SEM1: variants seen among roughly 807,000 people sequenced by gnomAD.
SEM1 encodes the protein SEM1 26S proteasome subunit.
In SEM1, 3 loss-of-function variants were observed where a neutral mutation model predicts 12.7. The ratio of observed to expected loss-of-function variants is 0.24; its 90% CI spans 0.11 to 0.61. The LOEUF (loss-of-function observed/expected upper bound fraction) is 0.61, where lower values mean the gene tolerates loss of function less well. Among genes scored for constraint, SEM1 ranks in the 20% least tolerant of loss-of-function variants. SEM1 has a pLI of 0.88. For synonymous variants in SEM1, 30 were observed against 27.8 expected, an observed-to-expected ratio of 1.08 and a Z score of -0.25; for missense variants, 59 against 81.3, an observed-to-expected ratio of 0.73 and a Z score of 1.06.
intron 2 of SEM1, among the ~76,000 whole-genome samples, chr7:96,674,911 T>A (rs370009968): frequency 6.6e-6 from 1 of 152,160 alleles, no homozygotes; most frequent in East Asian, 1.9e-4. Context: ...CCTGGAAAGC[T>A]GTGCACAAGC....
At position 96,541,447 on chromosome 7, in the gene SEM1, T is replaced by TG. The variant is rs938678550; in HGVS notation, c.171-34750_171-34749insC. 4.0e-5 allele frequency among the ~76,000 whole-genome samples: 6 copies of TG among 148,882 alleles called. No homozygotes were observed. The South Asian group carries it at 1.1e-3, about 26-fold the overall frequency. On this transcript the variant is annotated intron_variant and NMD_transcript_variant, in intron 2 of 3. Coordinates refer to the SEM1 transcript ENST00000466986. ...TTTTAATGGGTTTTTTTTTTTGTTT[T>TG]TTTTTTTTTTTTGCTGAATTGTTTA...
intron 2 of SEM1, among the ~76,000 whole-genome samples, chr7:96,612,260 A>G (rs1051531802): frequency 6.6e-6 from 1 of 152,230 alleles, no homozygotes; most frequent in Non-Finnish European, 1.5e-5. Context: ...TTCTGCTCCA[A>G]GGAAATGGTA....
intron 2 of SEM1, among the ~76,000 whole-genome samples, chr7:96,611,999 T>TA (rs60890286): frequency 0.23 from 35,641 of 151,748 alleles, 4,931 homozygotes; most frequent in African/African-American, 0.4. Flanking sequence ...CCCCCCCAAA[T>TA]AAAAAAAGCA....
intron 2 of SEM1, among the ~76,000 whole-genome samples, chr7:96,541,449 T>G (rs575559748): frequency 0.022 from 3,310 of 148,404 alleles, 145 homozygotes; most frequent in African/African-American, 0.076. Flanking sequence ...TTTTGTTTTT[T>G]TTTTTTTTTT....
chr7:96,483,940 C>T, exon 4 of SEM1: 2 of 1,535,938 alleles, frequency 1.3e-6, no homozygotes, highest in Non-Finnish European at 1.7e-6. Flanking sequence ...CTTCACAGTG[C>T]ACCAAGGATG....
chr7:96,662,796 T>A (rs1258414315), intron 2 of SEM1, among the ~76,000 whole-genome samples: 1 of 152,182 alleles, frequency 6.6e-6, no homozygotes, highest in Non-Finnish European at 1.5e-5. Flanking sequence ...ACACAAAAAC[T>A]AACTCAATAT....
At chr7:96,627,688 A>G (rs1375183937) in intron 2 of SEM1, among the ~76,000 whole-genome samples, 1 of 152,178 alleles carries the variant, frequency 6.6e-6, no homozygotes, top group Non-Finnish European at 1.5e-5. Flanking sequence ...GTGACCTAAC[A>G]TATGGCCTAT....
At chr7:96,505,539 G>C (rs1277139331) in intron 3 of SEM1, among the ~76,000 whole-genome samples, 1 of 152,086 alleles carries the variant, frequency 6.6e-6, no homozygotes, top group Non-Finnish European at 1.5e-5. Context: ...TACTCAAAGA[G>C]CTATTTTCTT....
intron 1 of SEM1, among the ~76,000 whole-genome samples, chr7:96,492,568 C>A (rs1469282726): frequency 6.7e-6 from 1 of 149,568 alleles, no homozygotes; most frequent in Non-Finnish European, 1.5e-5. Context: ...TGCCACCATG[C>A]CCGACTAATT....
At chr7:96,702,413 A>G (rs74405823) in intron 1 of SEM1, among the ~76,000 whole-genome samples, 23,539 of 152,102 alleles carry the variant, frequency 0.15, 3,319 homozygotes, top group African/African-American at 0.38. Flanking sequence ...GGCTGATTTC[A>G]CATATAAAAT....
intron 2 of SEM1, among the ~76,000 whole-genome samples, chr7:96,616,072 T>C (rs1807711392): frequency 6.6e-6 from 1 of 152,204 alleles, no homozygotes; most frequent in South Asian, 2.1e-4. Context: ...AGTGAGACTG[T>C]TGGATCGAAT....
In SEM1 at chr7:96,705,359, C is replaced by CAA. The variant is rs34525327; in HGVS notation, c.76+4327_76+4328dup. 1.9e-3 allele frequency among the ~76,000 whole-genome samples: 272 copies of CAA among 142,188 alleles called. 1 individual carries two copies. Among genetic ancestry groups the CAA allele is most frequent in the East Asian group, 4.5e-3 (22 of 4,886 alleles). The allele number at this position is 142,188 out of a possible 152,430, so 93.3% of individuals were successfully genotyped here. A position where few individuals can be genotyped will look rare whatever the true frequency, so the allele number is the denominator to read the frequency against. The stretch of plus-strand genomic sequence containing the variant: ...AAATATTCTAAAAAAGCTTCTCTCT[C>CAA]AAAAAAAAAAAAAAAACCCTTTCAA... On this transcript the variant is annotated intron_variant, in intron 1 of 2. Coordinates refer to ENST00000248566, the MANE Select transcript of SEM1 (RefSeq NM_006304.2).
intron 2 of SEM1, among the ~76,000 whole-genome samples, chr7:96,542,084 T>C (rs2115788046): frequency 6.6e-6 from 1 of 151,664 alleles, no homozygotes; most frequent in African/African-American, 2.4e-5. Flanking sequence ...GGCTCTTTTT[T>C]TGGGGGAGGG....
chr7:96,700,461 T>C (rs200448225), intron 1 of SEM1, among the ~76,000 whole-genome samples: 1 of 152,276 alleles, frequency 6.6e-6, no homozygotes, highest in East Asian at 1.9e-4. Flanking sequence ...GGTCCCATGG[T>C]TAGCCAAGTG....
intron 2 of SEM1, among the ~76,000 whole-genome samples, chr7:96,521,771 C>T (rs923970759): frequency 6.6e-6 from 1 of 152,068 alleles, no homozygotes; most frequent in Non-Finnish European, 1.5e-5. Context: ...AAAATGGAGG[C>T]GTCCCTGGGC....
At chr7:96,497,769 G>T (rs998541019), upstream of SEM1, among the ~76,000 whole-genome samples, 1 of 152,142 alleles carries the variant, frequency 6.6e-6, no homozygotes, top group South Asian at 2.1e-4. Context: ...AGCAAACAAG[G>T]TGAGTCCTGT....
At chr7:96,566,292 T>G (rs1439605273) in intron 2 of SEM1, among the ~76,000 whole-genome samples, 2 of 151,628 alleles carry the variant, frequency 1.3e-5, no homozygotes, top group African/African-American at 4.8e-5. Context: ...GCAAATACAA[T>G]CATACAGGCA....
At chr7:96,580,004 A>G (rs1400269118) in intron 2 of SEM1, among the ~76,000 whole-genome samples, 1 of 151,262 alleles carries the variant, frequency 6.6e-6, no homozygotes, top group Admixed American at 6.6e-5. Flanking sequence ...GTTTTAGGGT[A>G]CATGTGCACA....
exon 3 of SEM1, chr7:96,673,495 CCT>C (rs1390187690): frequency 5.9e-5 from 25 of 421,898 alleles, no homozygotes; most frequent in Admixed American, 2.7e-4. Context: ...CAAGTAAGCC[CCT>C]GTTATGTAGC....
Sources: gnomAD v4.1 joint callset for allele counts (sites outside exome capture counted in the v4.1 genomes callset) on GRCh38, gnomAD v4.1.1 for gene constraint, MANE v1.5 for transcripts, NCBI Gene and HGNC (gene_info 2026-07-23, HGNC 2026-07-21) for gene names.